FAM117B: variants seen among roughly 807,000 people sequenced by gnomAD.
FAM117B encodes protein FAM117B.
A neutral mutation model predicts 52.8 loss-of-function variants in FAM117B; 22 were observed. The ratio of observed to expected loss-of-function variants is 0.42; its 90% CI spans 0.30 to 0.59. The LOEUF is 0.59. Among genes scored for constraint, FAM117B ranks in the 20% least tolerant of loss-of-function variants. The pLI is 0.22. For missense variants in FAM117B, 678 were observed against 802.6 expected (o/e 0.84, Z 1.88); for synonymous variants, 309 against 324.1 (o/e 0.95, Z 0.50).
intron 4 of FAM117B, among the ~76,000 whole-genome samples, chr2:202,743,968 C>A (rs1381784589): frequency 6.6e-6 from 1 of 152,164 alleles, no homozygotes; most frequent in Non-Finnish European, 1.5e-5. Flanking sequence ...GAAGTAATAG[C>A]TGAAAACTCC....
At chr2:202,685,733 T>C (rs1327975302) in intron 1 of FAM117B, among the ~76,000 whole-genome samples, 1 of 152,144 alleles carries the variant, frequency 6.6e-6, no homozygotes, top group Admixed American at 6.6e-5. Context: ...GATATCCATA[T>C]AGGGGAGGGG....
At chr2:202,701,587 G>A (rs1031545064) in intron 2 of FAM117B, among the ~76,000 whole-genome samples, 8 of 152,200 alleles carry the variant, frequency 5.3e-5, no homozygotes, top group African/African-American at 1.9e-4. Context: ...ACCATTCTAG[G>A]TGCCATTAAG....
At chr2:202,673,445 T>TTTTTTTTTTTTTTTTTTTTTTTG (rs1690330975) in intron 1 of FAM117B, among the ~76,000 whole-genome samples, 1 of 119,524 alleles carries the variant, frequency 8.4e-6, no homozygotes, top group African/African-American at 3.4e-5. Flanking sequence ...TTTTTTTTTT[T>TTTTTTTTTTTTTTTTTTTTTTTG]TTTTTTTTTT....
chr2:202,732,939 T>C lies in FAM117B; in HGVS notation c.960+6576T>C, dbSNP rs142370140. On this transcript the variant is annotated intron_variant, in intron 4 of 7. Transcript: ENST00000392238. ...TTCCATTCTTAGGAAATACCCAAAA[T>C]AGGCAAACCCATAGAGATAGAGAAT... 4.1e-3 allele frequency among the ~76,000 whole-genome samples: 604 copies of C among 148,462 alleles called. 6 individuals are homozygous for C. Among genetic ancestry groups the C allele is most frequent in the African/African-American group, 0.014 (565 of 40,566 alleles).
At chr2:202,643,111 G>A (rs1689794800) in intron 1 of FAM117B, among the ~76,000 whole-genome samples, 1 of 152,136 alleles carries the variant, frequency 6.6e-6, no homozygotes, top group Non-Finnish European at 1.5e-5. Flanking sequence ...GGAGGATGAG[G>A]AAGTAGAGGT....
chr2:202,741,103 A>T (rs1691527289), intron 4 of FAM117B, among the ~76,000 whole-genome samples: 1 of 152,150 alleles, frequency 6.6e-6, no homozygotes, highest in Non-Finnish European at 1.5e-5. Context: ...ACAGTTAGAA[A>T]AGAGAAGTCA....
intron 1 of FAM117B, among the ~76,000 whole-genome samples, chr2:202,652,800 G>A (rs1236480659): frequency 6.6e-6 from 1 of 152,138 alleles, no homozygotes; most frequent in Non-Finnish European, 1.5e-5. Flanking sequence ...TATCTCAATT[G>A]TATAGGGAAG....
chr2:202,692,574 GA>G, intron 1 of FAM117B, among the ~76,000 whole-genome samples: 1 of 152,128 alleles, frequency 6.6e-6, no homozygotes, highest in Non-Finnish European at 1.5e-5. Flanking sequence ...TGAGAAAAGG[GA>G]ATTCTTTTTA....
Position 202,765,861 on chromosome 2 carries a change from G to C in FAM117B, c.*97G>C, listed in dbSNP as rs1691969391. The stretch of plus-strand genomic sequence containing the variant: ...GTGCGCTTCTGGTCGGCTGTGATGT[G>C]CTCCAGCTTTCCAGTGACATGTGAC... On this transcript the variant is annotated 3_prime_UTR_variant, in exon 8 of 8. Transcript: ENST00000392238. The C allele has an allele frequency of 2.0e-5, 26 of 1,268,452 alleles. No homozygotes were observed. The highest frequency in any genetic ancestry group is 2.8e-5 in the Non-Finnish European group (26 of 922,076). The allele number at this position is 1,268,452 out of a possible 1,614,324, so 78.6% of individuals were successfully genotyped here. A position where few individuals can be genotyped will look rare whatever the true frequency, so the allele number is the denominator to read the frequency against.
chr2:202,644,627 T>C (rs1689833006), intron 1 of FAM117B, among the ~76,000 whole-genome samples: 1 of 152,240 alleles, frequency 6.6e-6, no homozygotes, highest in Admixed American at 6.5e-5. Context: ...TGAGAGAGGA[T>C]ACATGGGAGG....
intron 7 of FAM117B, 66 bp from the exon 8 acceptor site, chr2:202,765,380 T>C: frequency 3.2e-5 from 8 of 249,426 alleles, no homozygotes; most frequent in South Asian, 9.7e-5. Context: ...GTTTCCAAGC[T>C]TTTTTTTTTT....
rs1444596110 is a variant in FAM117B at position 202,769,670 on chromosome 2, A to T, written c.*3906A>T. 6.6e-6 allele frequency: 1 copy of T among 152,634 alleles called. No individual in the cohort carries two copies. The highest frequency in any genetic ancestry group is 2.4e-5 in the African/African-American group (1 of 41,448). 9.5% of individuals were successfully genotyped at this position (152,634 alleles called of 1,614,324 possible). On this transcript the variant is annotated 3_prime_UTR_variant, in exon 8 of 8. Transcript: ENST00000392238. ...ATGGTAATCGGTATTGTTACGCTGT[A>T]CTTATGTATTCCCTGTACCTGAACA...
At chr2:202,692,352 A>G (rs569914315) in intron 1 of FAM117B, among the ~76,000 whole-genome samples, 5 of 152,328 alleles carry the variant, frequency 3.3e-5, no homozygotes, top group African/African-American at 1.2e-4. Flanking sequence ...AGAAACCAAG[A>G]CATAAAGACA....
chr2:202,640,966 A>T (rs1171102223), intron 1 of FAM117B, among the ~76,000 whole-genome samples: 4 of 152,228 alleles, frequency 2.6e-5, no homozygotes, highest in Non-Finnish European at 4.4e-5. Context: ...GATGAGACAA[A>T]GTAGAAACTA....
intron 1 of FAM117B, among the ~76,000 whole-genome samples, chr2:202,644,064 G>GTTTTTTTTTTTTTTTTTTTTTTTTT (rs1161026426): frequency 9.5e-5 from 9 of 95,158 alleles, no homozygotes; most frequent in African/African-American, 2.7e-4. Flanking sequence ...TTTTTTTTTT[G>GTTTTTTTTTTTTTTTTTTTTTTTTT]TTTTTTTTTT....
At chr2:202,644,520 C>T (rs904054074) in intron 1 of FAM117B, among the ~76,000 whole-genome samples, 20 of 152,128 alleles carry the variant, frequency 1.3e-4, no homozygotes, top group Admixed American at 5.2e-4. Context: ...CTATTAGAAC[C>T]GGGAACTTCC....
At chr2:202,715,790 C>A (rs534826448) in intron 2 of FAM117B, among the ~76,000 whole-genome samples, 1 of 152,368 alleles carries the variant, frequency 6.6e-6, no homozygotes, top group African/African-American at 2.4e-5. Flanking sequence ...AGCCTGGGCA[C>A]CATTGAGCAC....
intron 2 of FAM117B, among the ~76,000 whole-genome samples, chr2:202,701,998 A>G (rs77551366): frequency 0.022 from 3,350 of 152,294 alleles, 139 homozygotes; most frequent in African/African-American, 0.077. Flanking sequence ...AAATTGTACT[A>G]TGGGCAATAT....
At chr2:202,675,484 C>G (rs1287394075) in intron 1 of FAM117B, among the ~76,000 whole-genome samples, 6 of 148,754 alleles carry the variant, frequency 4.0e-5, no homozygotes, top group Non-Finnish European at 7.5e-5. Flanking sequence ...AGTGCTACCT[C>G]TCTCAGAAAA....
Sources: allele counts gnomAD v4.1 joint callset (sites outside exome capture counted in the v4.1 genomes callset), GRCh38; gene constraint gnomAD v4.1.1; transcripts MANE v1.5; gene names NCBI Gene and HGNC (gene_info 2026-07-23, HGNC 2026-07-21).